Variants in DCC observed in about 807,000 individuals in gnomAD.
DCC encodes netrin receptor DCC.
DCC carries 58 observed loss-of-function variants against 172.5 expected under a neutral mutation model. The observed-to-expected ratio is 0.34, with a 90% CI of 0.27 to 0.42. The LOEUF (loss-of-function observed/expected upper bound fraction) is 0.42. Among genes scored for constraint, DCC ranks in the 10% least tolerant of loss-of-function variants. DCC has a pLI of 1.00. For synonymous variants in DCC, 709 were observed against 644.5 expected, an observed-to-expected ratio of 1.10 and a Z score of -1.52; for missense variants, 1,740 against 1,791.0, an observed-to-expected ratio of 0.97 and a Z score of 0.51.
At chr18:53,059,298 A>G (rs1326650214) in intron 5 of DCC, among the ~76,000 whole-genome samples, 3 of 152,148 alleles carry the variant, frequency 2.0e-5, no homozygotes, top group Non-Finnish European at 4.4e-5. Context: ...ATCAGTGTAT[A>G]TATTATAGAG....
At chr18:52,514,226 T>C in intron 1 of DCC, among the ~76,000 whole-genome samples, 1 of 147,576 alleles carries the variant, frequency 6.8e-6, no homozygotes, top group Non-Finnish European at 1.5e-5. Context: ...TGCATGTATA[T>C]GTGTGTGTAT....
rs376956577 is a variant in DCC at position 53,511,699 on chromosome 18, G to T, written c.4111+12189G>T. Among the ~76,000 whole-genome samples the T allele has an allele frequency of 4.3e-4, 65 of 152,318 alleles. 1 individual carries two copies. The highest frequency in any genetic ancestry group is 1.0e-4 in the Non-Finnish European group (7 of 68,020). On this transcript the variant is annotated intron_variant, in intron 27 of 28. Coordinates refer to ENST00000442544, the MANE Select transcript of DCC (RefSeq NM_005215.4). Reference sequence around the variant, plus strand: ...TTTCCGAGTCAAAGAAAGGGGTGACGGACGGCACCTGGAAAATCGGGTCAC... The same window carrying T: ...TTTCCGAGTCAAAGAAAGGGGTGACTGACGGCACCTGGAAAATCGGGTCAC...
intron 1 of DCC, among the ~76,000 whole-genome samples, chr18:52,722,400 C>T (rs1335625014): frequency 6.6e-6 from 1 of 152,176 alleles, no homozygotes; most frequent in Non-Finnish European, 1.5e-5. Context: ...TCCTTCTCAT[C>T]CTCAGACTCC....
chr18:52,453,183 G>C (rs1988358271), intron 1 of DCC, among the ~76,000 whole-genome samples: 2 of 152,142 alleles, frequency 1.3e-5, no homozygotes, highest in African/African-American at 4.8e-5. Flanking sequence ...TATTATATCA[G>C]CATAGATTTC....
chr18:53,261,902 A>G (rs1023404175), intron 12 of DCC, among the ~76,000 whole-genome samples: 6 of 152,178 alleles, frequency 3.9e-5, no homozygotes, highest in Non-Finnish European at 8.8e-5. Flanking sequence ...TCCCAGAGCT[A>G]TCAGCACCTG....
At chr18:52,589,964 T>C (rs2033760871) in intron 1 of DCC, among the ~76,000 whole-genome samples, 1 of 152,214 alleles carries the variant, frequency 6.6e-6, no homozygotes, top group South Asian at 2.1e-4. Flanking sequence ...ATTTCAAGTT[T>C]ACATTTTTGC....
intron 1 of DCC, among the ~76,000 whole-genome samples, chr18:52,400,100 T>G (rs72917001): frequency 1.3e-5 from 2 of 152,050 alleles, no homozygotes; most frequent in South Asian, 4.1e-4. Context: ...ATCCCATCAA[T>G]AGCAATTCAT....
At chr18:53,078,161 T>C (rs1446637031) in intron 7 of DCC, among the ~76,000 whole-genome samples, 4 of 152,156 alleles carry the variant, frequency 2.6e-5, no homozygotes, top group African/African-American at 9.7e-5. Flanking sequence ...TGTTGTGATA[T>C]GCACTTGCAG....
At chr18:52,835,905 G>GT (rs2038696516) in intron 2 of DCC, among the ~76,000 whole-genome samples, 1 of 152,086 alleles carries the variant, frequency 6.6e-6, no homozygotes, top group Non-Finnish European at 1.5e-5. Flanking sequence ...TTATCCTTTT[G>GT]TTTACTCCAT....
At chr18:52,722,096 T>C (rs903430690) in intron 1 of DCC, among the ~76,000 whole-genome samples, 10 of 152,156 alleles carry the variant, frequency 6.6e-5, no homozygotes, top group African/African-American at 9.7e-5. Context: ...TTCATGTCTA[T>C]GACAATTGTG....
At chr18:52,826,336 A>C (rs1417567653) in intron 2 of DCC, among the ~76,000 whole-genome samples, 1 of 152,192 alleles carries the variant, frequency 6.6e-6, no homozygotes, top group African/African-American at 2.4e-5. Context: ...TACACGGAGG[A>C]AAATAAGTCC....
intron 19 of DCC, among the ~76,000 whole-genome samples, chr18:53,405,026 A>G (rs1909570865): frequency 6.6e-6 from 1 of 152,142 alleles, no homozygotes; most frequent in Non-Finnish European, 1.5e-5. Flanking sequence ...AAACAATAAG[A>G]ACCCTTAAGA....
intron 12 of DCC, among the ~76,000 whole-genome samples, chr18:53,267,012 G>C (rs1052136002): frequency 1.3e-5 from 2 of 151,800 alleles, no homozygotes; most frequent in Non-Finnish European, 2.9e-5. Flanking sequence ...GTGTAAATGC[G>C]TGTTTTTGTT....
At chr18:53,513,680 A>C (rs1435806407) in intron 27 of DCC, among the ~76,000 whole-genome samples, 1 of 151,996 alleles carries the variant, frequency 6.6e-6, no homozygotes, top group Non-Finnish European at 1.5e-5. Context: ...CTGATAAAAC[A>C]GACTTTAAAC....
chr18:52,862,040 G>T (rs941955897), intron 2 of DCC, among the ~76,000 whole-genome samples: 1 of 152,078 alleles, frequency 6.6e-6, no homozygotes, highest in South Asian at 2.1e-4. Context: ...TCATAATTGT[G>T]ACTGATAACA....
chr18:52,381,552 G>C (rs1327658846), intron 1 of DCC, among the ~76,000 whole-genome samples: 1 of 152,050 alleles, frequency 6.6e-6, no homozygotes, highest in African/African-American at 2.4e-5. Flanking sequence ...CCTATGTTAT[G>C]TACTCAATAT....
rs146571114 is a variant in DCC at position 53,277,776 on chromosome 18, A to T, written c.1912-27802A>T. 4.6e-5 allele frequency among the ~76,000 whole-genome samples: 7 copies of T among 152,278 alleles called. No homozygotes were observed. In the East Asian group the frequency reaches 1.2e-3, roughly 25 times the overall value. The stretch of plus-strand genomic sequence containing the variant: ...AGAGCAGATCAGCAGCCATGCTGTC[A>T]TATTTACAGCCAGGTGAAACTCTGG... On this transcript the variant is annotated intron_variant, in intron 12 of 28. Coordinates refer to ENST00000442544, the MANE Select transcript of DCC (RefSeq NM_005215.4).
chr18:53,109,636 A>G (rs2043301648), intron 7 of DCC, among the ~76,000 whole-genome samples: 1 of 138,304 alleles, frequency 7.2e-6, no homozygotes, highest in African/African-American at 2.7e-5. Context: ...TTCTTCCAGT[A>G]GAGCAGTGGT....
chr18:53,090,732 A>AAAAAAAAAAAAAAAAT lies in DCC; in HGVS notation c.1261+24568_1261+24569insAAAAAAAAAAAAATAA, dbSNP rs1568298492. ...AAAAAAAAAAAAAAAAAAAAAAAAA[A>AAAAAAAAAAAAAAAAT]AAGAATGTATCGTGTTTCTTGATGC... On this transcript the variant is annotated intron_variant, in intron 7 of 28. Coordinates refer to ENST00000442544, the MANE Select transcript of DCC (RefSeq NM_005215.4). Among the ~76,000 whole-genome samples, 26 of 129,152 alleles carry AAAAAAAAAAAAAAAAT rather than the reference A, an allele frequency of 2.0e-4. 1 individual carries two copies. The highest frequency in any genetic ancestry group is 3.7e-4 in the Non-Finnish European group (22 of 59,910). The allele number at this position is 129,152 out of a possible 152,430, so 84.7% of individuals were successfully genotyped here.
Sources: gnomAD v4.1 joint callset for allele counts (sites outside exome capture counted in the v4.1 genomes callset) on GRCh38, gnomAD v4.1.1 for gene constraint, MANE v1.5 for transcripts, NCBI Gene and HGNC (gene_info 2026-07-23, HGNC 2026-07-21) for gene names.